The following FAM117B variants were observed in gnomAD, a reference collection of about 807,000 sequenced individuals.
FAM117B encodes the protein protein FAM117B.
In FAM117B, 22 loss-of-function variants were observed where a neutral mutation model predicts 52.8. The ratio of observed to expected loss-of-function variants is 0.42; its 90% CI spans 0.30 to 0.59. FAM117B has a LOEUF of 0.59. FAM117B is among the 20% of genes least tolerant of loss of function. The pLI is 0.22. For synonymous variants in FAM117B, 309 were observed against 324.1 expected (o/e 0.95, Z 0.50); for missense variants, 678 against 802.6 (o/e 0.84, Z 1.88).
chr2:202,635,639 C>T lies in FAM117B; in HGVS notation c.452C>T (p.Ser151Leu). Residue 151 changes from serine (S) to leucine (L), a missense_variant, in exon 1 of 8, where the codon TCG becomes TTG. Ser to Leu is a moderately radical substitution (Grantham distance 145). Transcript: ENST00000392238. ...PPPPPLLGTV[S>L]SPSSSPTHLW... ...CCGCCGCCGCTGCTGGGCACCGTGT[C>T]GTCGCCCAGCTCGTCGCCCACCCAC... The T allele has an allele frequency of 7.5e-7, 1 of 1,332,408 alleles. No homozygotes were observed. Among genetic ancestry groups the T allele is most frequent in the Non-Finnish European group, 9.6e-7 (1 of 1,044,634 alleles). 82.5% of individuals were successfully genotyped at this position (1,332,408 alleles called of 1,614,324 possible). A position where few individuals can be genotyped will look rare whatever the true frequency, so the allele number is the denominator to read the frequency against.
intron 2 of FAM117B, among the ~76,000 whole-genome samples, chr2:202,721,664 C>T (rs141163818): frequency 7.9e-5 from 12 of 152,138 alleles, no homozygotes; most frequent in African/African-American, 1.2e-4. Context: ...GACAGGGTCT[C>T]GCTCTGACAT....
rs532346949 is a variant in FAM117B, at chr2:202,767,602, C to T, written c.*1838C>T. ...TAAGGTAGAAAAAAGTTTTTAAATC[C>T]TTATAAAGAGGATGCAGTTTAGAAG... On this transcript the variant is annotated 3_prime_UTR_variant, in exon 8 of 8. Transcript: ENST00000392238. 25 of 152,022 alleles carry T rather than the reference C, an allele frequency of 1.6e-4. No homozygotes were observed. Among genetic ancestry groups the T allele is most frequent in the African/African-American group, 6.0e-4 (25 of 41,466 alleles). The allele number at this position is 152,022 out of a possible 1,614,324, so 9.4% of individuals were successfully genotyped here.
intron 2 of FAM117B, among the ~76,000 whole-genome samples, chr2:202,699,426 CAAAA>C (rs751190825): frequency 2.8e-4 from 5 of 17,914 alleles, no homozygotes; most frequent in Non-Finnish European, 4.4e-4. Context: ...GACCCCATCT[CAAAA>C]AAAAAAAAAA....
intron 4 of FAM117B, among the ~76,000 whole-genome samples, chr2:202,740,311 G>T (rs888382406): frequency 3.2e-5 from 4 of 125,194 alleles, no homozygotes; most frequent in African/African-American, 1.2e-4. Context: ...AGTGAACCAA[G>T]ATCACACTAC....
chr2:202,750,766 T>C (rs1245690649), intron 4 of FAM117B, among the ~76,000 whole-genome samples: 3 of 152,230 alleles, frequency 2.0e-5, no homozygotes, highest in African/African-American at 7.2e-5. Flanking sequence ...ATACCACCTC[T>C]GTTCCCAGGT....
chr2:202,662,992 T>G (rs1690153159), intron 1 of FAM117B, among the ~76,000 whole-genome samples: 2 of 152,184 alleles, frequency 1.3e-5, no homozygotes, highest in African/African-American at 2.4e-5. Flanking sequence ...AATAAAAAAT[T>G]AAGAAATAAC....
intron 4 of FAM117B, among the ~76,000 whole-genome samples, chr2:202,742,635 T>C (rs1691561121): frequency 6.6e-6 from 1 of 152,170 alleles, no homozygotes; most frequent in African/African-American, 2.4e-5. Flanking sequence ...TTTCTATGAC[T>C]CAAAATTCAT....
chr2:202,683,081 A>T (rs1171222856), intron 1 of FAM117B, among the ~76,000 whole-genome samples: 2 of 152,200 alleles, frequency 1.3e-5, no homozygotes, highest in Non-Finnish European at 2.9e-5. Context: ...TAATCCTAGC[A>T]CTTTGGGAGG....
chr2:202,748,524 C>G (rs1357860544), intron 4 of FAM117B, among the ~76,000 whole-genome samples: 4 of 152,046 alleles, frequency 2.6e-5, no homozygotes, highest in Admixed American at 1.3e-4. Context: ...GCAAACTATT[C>G]ATCCAACAAG....
At chr2:202,695,281 A>G (rs1317475512) in intron 1 of FAM117B, among the ~76,000 whole-genome samples, 2 of 151,264 alleles carry the variant, frequency 1.3e-5, no homozygotes, top group Admixed American at 1.3e-4. Flanking sequence ...TTATGGTTTC[A>G]GTTACTTCTA....
intron 1 of FAM117B, among the ~76,000 whole-genome samples, chr2:202,642,144 G>A (rs1281353056): frequency 6.2e-5 from 9 of 144,336 alleles, no homozygotes; most frequent in African/African-American, 2.0e-4. Flanking sequence ...TAGTAGAGAC[G>A]GGATTTCACC....
intron 1 of FAM117B, among the ~76,000 whole-genome samples, chr2:202,653,938 C>T (rs1436929558): frequency 1.3e-5 from 2 of 151,940 alleles, no homozygotes; most frequent in African/African-American, 2.4e-5. Context: ...AGCATTTGTC[C>T]GTACTATTCA....
chr2:202,686,816 A>G (rs917321455), intron 1 of FAM117B, among the ~76,000 whole-genome samples: 3 of 152,076 alleles, frequency 2.0e-5, no homozygotes, highest in African/African-American at 7.2e-5. Context: ...AAAAAAAAAA[A>G]AAGAGGTATT....
At chr2:202,713,907 A>G (rs961681381) in intron 2 of FAM117B, among the ~76,000 whole-genome samples, 1 of 152,138 alleles carries the variant, frequency 6.6e-6, no homozygotes, top group African/African-American at 2.4e-5. Context: ...AGGTTTCACC[A>G]TGTTGGCCAG....
At chr2:202,694,192 T>G (rs1009087735) in intron 1 of FAM117B, among the ~76,000 whole-genome samples, 1 of 133,930 alleles carries the variant, frequency 7.5e-6, no homozygotes, top group Non-Finnish European at 1.5e-5. Flanking sequence ...CCACTTCTTT[T>G]TTTTTTTTTT....
At chr2:202,717,699 A>T (rs1350709554) in intron 2 of FAM117B, among the ~76,000 whole-genome samples, 1 of 152,022 alleles carries the variant, frequency 6.6e-6, no homozygotes, top group East Asian at 1.9e-4. Context: ...GAGCTGGGGG[A>T]GGGATGACAC....
chr2:202,648,114 C>G (rs1689896747), intron 1 of FAM117B, among the ~76,000 whole-genome samples: 1 of 152,164 alleles, frequency 6.6e-6, no homozygotes, highest in Admixed American at 6.5e-5. Context: ...AAGGAGAATA[C>G]AGTCAGCAGT....
chr2:202,645,722 GC>G (rs1218227587), intron 1 of FAM117B, among the ~76,000 whole-genome samples: 2 of 151,808 alleles, frequency 1.3e-5, no homozygotes, highest in Non-Finnish European at 2.9e-5. Flanking sequence ...TCCTGCCTCA[GC>G]CTCCCGAGTA....
Position 202,669,645 on chromosome 2 carries a change from G to C in FAM117B, c.602-26236G>C, listed in dbSNP as rs539100826. 6.9e-4 allele frequency among the ~76,000 whole-genome samples: 105 copies of C among 152,098 alleles called. 1 individual carries two copies. Among genetic ancestry groups the C allele is most frequent in the Admixed American group, 2.4e-3 (37 of 15,292 alleles). ...ACTAAGAAAAAATGTTTTTCACATT[G>C]TTTCAAGTGGGATTTTCAGGCATGT... On this transcript the variant is annotated intron_variant, in intron 1 of 7. Transcript: ENST00000392238.
Sources: allele counts gnomAD v4.1 joint callset (sites outside exome capture counted in the v4.1 genomes callset), GRCh38; gene constraint gnomAD v4.1.1; transcripts MANE v1.5; gene names NCBI Gene and HGNC (gene_info 2026-07-23, HGNC 2026-07-21).